The following COG5 variants were observed in gnomAD, a reference collection of about 807,000 sequenced individuals.
COG5 encodes the protein conserved oligomeric Golgi complex subunit 5.
COG5 carries 86 observed loss-of-function variants against 110.4 expected under a neutral mutation model. The ratio of observed to expected loss-of-function variants is 0.78; its 90% confidence interval spans 0.65 to 0.93. The LOEUF (loss-of-function observed/expected upper bound fraction) is 0.93, where lower values mean the gene tolerates loss of function less well. Among genes scored for constraint, COG5 ranks in the 40% least tolerant of loss-of-function variants. COG5 has a pLI of 0.00. For missense variants in COG5, 1,077 were observed against 987.0 expected (o/e 1.09, Z -1.22); for synonymous variants, 360 against 334.6 (o/e 1.08, Z -0.83).
chr7:107,223,261 A>G (rs1188713992), intron 19 of COG5, among the ~76,000 whole-genome samples: 1 of 152,208 alleles, frequency 6.6e-6, no homozygotes, highest in African/African-American at 2.4e-5. Flanking sequence ...GGACACAATG[A>G]GGGCCTCTGA....
At chr7:107,242,371 A>G (rs1801711591) in intron 17 of COG5, among the ~76,000 whole-genome samples, 1 of 152,182 alleles carries the variant, frequency 6.6e-6, no homozygotes, top group Non-Finnish European at 1.5e-5. Flanking sequence ...CGAGTCTACT[A>G]GGGACTGGAA....
chr7:107,226,297 G>A (rs1009943260), intron 19 of COG5, among the ~76,000 whole-genome samples: 2 of 152,300 alleles, frequency 1.3e-5, no homozygotes, highest in South Asian at 2.1e-4. Context: ...ATGAACAAGT[G>A]CCAAGGTCTA....
At chr7:107,428,161 G>A (rs1793777395) in intron 6 of COG5, among the ~76,000 whole-genome samples, 2 of 152,054 alleles carry the variant, frequency 1.3e-5, no homozygotes, top group Non-Finnish European at 2.9e-5. Flanking sequence ...TTCTCAATAT[G>A]GTATGCGGAT....
chr7:107,346,872 GC>G (rs1431125319), intron 10 of COG5, among the ~76,000 whole-genome samples: 4 of 151,804 alleles, frequency 2.6e-5, no homozygotes, highest in African/African-American at 7.3e-5. Context: ...CCCACAACAT[GC>G]CCTGGTGTGT....
chr7:107,427,483 T>C (rs540436602), intron 6 of COG5, among the ~76,000 whole-genome samples: 2 of 152,236 alleles, frequency 1.3e-5, no homozygotes, highest in East Asian at 3.9e-4. Context: ...AATTGTATTA[T>C]GCAAAAAAAG....
intron 7 of COG5, among the ~76,000 whole-genome samples, chr7:107,402,236 G>A (rs1018323294): frequency 1.3e-5 from 2 of 152,118 alleles, no homozygotes; most frequent in Non-Finnish European, 2.9e-5. Flanking sequence ...AAGGTCTTCT[G>A]CTTTAGGGAA....
rs370674700 is a variant in COG5 at position 107,359,956 on chromosome 7, T to C, written c.1026+2077A>G. On this transcript the variant is annotated intron_variant, in intron 10 of 21. Coordinates refer to ENST00000297135, the MANE Select transcript of COG5 (RefSeq NM_006348.5). ...TACCCACTCTGGGTCTCCTCTCCAC[T>C]GAGGGCTGCACAGGTGGCAAGATGA... 1.6e-4 allele frequency among the ~76,000 whole-genome samples: 25 copies of C among 152,312 alleles called. No homozygotes were observed. The East Asian group carries it at 2.7e-3, about 16-fold the overall frequency.
intron 10 of COG5, among the ~76,000 whole-genome samples, chr7:107,332,204 A>G (rs1810314498): frequency 6.6e-6 from 1 of 152,140 alleles, no homozygotes; most frequent in Non-Finnish European, 1.5e-5. Flanking sequence ...TGTTATCAGC[A>G]TTTAGAGGTG....
chr7:107,273,785 TA>T (rs1020928238), intron 14 of COG5, among the ~76,000 whole-genome samples: 1 of 151,654 alleles, frequency 6.6e-6, no homozygotes, highest in Non-Finnish European at 1.5e-5. Context: ...ACTCAGAGAC[TA>T]AAAAAACTTC....
chr7:107,548,704 T>C (rs1037596504), intron 3 of COG5, among the ~76,000 whole-genome samples: 1 of 152,234 alleles, frequency 6.6e-6, no homozygotes, highest in Non-Finnish European at 1.5e-5. Context: ...TTTTATGTTA[T>C]GTATATTTTA....
At chr7:107,205,983 C>T (rs1207506903) in intron 21 of COG5, among the ~76,000 whole-genome samples, 4 of 148,838 alleles carry the variant, frequency 2.7e-5, no homozygotes, top group African/African-American at 5.0e-5. Flanking sequence ...TTTTTTGAGA[C>T]GGAGTCTTGC....
intron 6 of COG5, among the ~76,000 whole-genome samples, chr7:107,453,931 C>G (rs1327065366): frequency 6.6e-6 from 1 of 152,032 alleles, no homozygotes; most frequent in Non-Finnish European, 1.5e-5. Context: ...TTGAATAATT[C>G]TGAGTTATGC....
At chr7:107,522,328 C>T (rs1057181016) in intron 6 of COG5, among the ~76,000 whole-genome samples, 3 of 152,084 alleles carry the variant, frequency 2.0e-5, no homozygotes, top group Non-Finnish European at 4.4e-5. Flanking sequence ...ATTAGCCAGG[C>T]GTGGTGGTGA....
At chr7:107,329,493 T>C (rs1810059695) in intron 10 of COG5, among the ~76,000 whole-genome samples, 1 of 152,156 alleles carries the variant, frequency 6.6e-6, no homozygotes, top group Non-Finnish European at 1.5e-5. Flanking sequence ...TATATACACA[T>C]ATATAATAGT....
chr7:107,545,765 G>A (rs1161562650), intron 5 of COG5, among the ~76,000 whole-genome samples: 3 of 116,042 alleles, frequency 2.6e-5, no homozygotes, highest in South Asian at 3.0e-4. Flanking sequence ...GGGTGAGAGA[G>A]TGAGACTCCA....
At chr7:107,427,957 C>T (rs1040234953) in intron 6 of COG5, among the ~76,000 whole-genome samples, 4 of 151,970 alleles carry the variant, frequency 2.6e-5, no homozygotes, top group Non-Finnish European at 4.4e-5. Flanking sequence ...GTGGCTGGGT[C>T]CGAAGCTTTT....
intron 6 of COG5, among the ~76,000 whole-genome samples, chr7:107,455,708 T>A (rs942181246): frequency 3.9e-5 from 6 of 152,166 alleles, no homozygotes; most frequent in Non-Finnish European, 7.3e-5. Context: ...GTATAGTTTA[T>A]GATTTTTTTC....
intron 11 of COG5, among the ~76,000 whole-genome samples, chr7:107,305,250 T>G (rs567964032): frequency 6.6e-6 from 1 of 152,210 alleles, no homozygotes; most frequent in Non-Finnish European, 1.5e-5. Context: ...GCCTGTTGTT[T>G]GGAGGATTTG....
chr7:107,562,182 GA>G (rs1803859040), intron 1 of COG5, among the ~76,000 whole-genome samples: 1 of 152,178 alleles, frequency 6.6e-6, no homozygotes, highest in Non-Finnish European at 1.5e-5. Context: ...AGCTTGAAGC[GA>G]AAGGTTTGAA....
Sources: allele counts gnomAD v4.1 joint callset (sites outside exome capture counted in the v4.1 genomes callset), GRCh38; gene constraint gnomAD v4.1.1; transcripts MANE v1.5; gene names NCBI Gene and HGNC (gene_info 2026-07-23, HGNC 2026-07-21).